FER: variants seen among roughly 807,000 people sequenced by gnomAD.
FER encodes the protein tyrosine-protein kinase Fer.
A neutral mutation model predicts 111.0 loss-of-function variants in FER; 63 were observed. The ratio of observed to expected loss-of-function variants is 0.57; its 90% CI spans 0.46 to 0.70. The LOEUF (loss-of-function observed/expected upper bound fraction) is 0.70. Among genes scored for constraint, FER ranks in the 30% least tolerant of loss-of-function variants. The probability of loss-of-function intolerance (pLI) is 0.00; values close to 1 mark genes in which losing one functional copy is unlikely to be tolerated. For missense variants in FER, 914 were observed against 954.0 expected, an observed-to-expected ratio of 0.96 and a Z score of 0.55; for synonymous variants, 327 against 313.9, an observed-to-expected ratio of 1.04 and a Z score of -0.44.
chr5:108,868,842 G>T (rs1312100899), intron 6 of FER, among the ~76,000 whole-genome samples: 1 of 152,050 alleles, frequency 6.6e-6, no homozygotes, highest in Non-Finnish European at 1.5e-5. Flanking sequence ...TAGCACATAA[G>T]CTCTTAGGTT....
At chr5:109,021,021 C>T (rs544172400) in intron 13 of FER, among the ~76,000 whole-genome samples, 3 of 151,888 alleles carry the variant, frequency 2.0e-5, no homozygotes, top group Non-Finnish European at 2.9e-5. Context: ...CCTTTAAATT[C>T]AAGTTATTTT....
At chr5:108,934,811 T>A (rs1755225950) in intron 10 of FER, among the ~76,000 whole-genome samples, 1 of 152,158 alleles carries the variant, frequency 6.6e-6, no homozygotes, top group East Asian at 1.9e-4. Context: ...TCTTTGGGAC[T>A]ACAGCTATAT....
At position 109,196,789 on chromosome 5, in the gene FER, TG is replaced by T. The variant is rs932284480; in HGVS notation, c.*9215del. Reference sequence around the variant, plus strand: ...ATAGACCAGTTACCACTCATGTGTCTGCAGAACCTCTTTATTGTATTCCTAT... The same window carrying T: ...ATAGACCAGTTACCACTCATGTGTCTCAGAACCTCTTTATTGTATTCCTAT... On this transcript the variant is annotated 3_prime_UTR_variant, in exon 20 of 20. Coordinates refer to ENST00000281092, the MANE Select transcript of FER (RefSeq NM_005246.4). 1 of 152,202 alleles carries T rather than the reference TG, an allele frequency of 6.6e-6. No individual in the cohort carries two copies. Among genetic ancestry groups the T allele is most frequent in the Non-Finnish European group, 1.5e-5 (1 of 68,030 alleles). 9.4% of individuals were successfully genotyped at this position (152,202 alleles called of 1,614,324 possible).
At chr5:109,187,403 A>T (rs1446203556) in intron 19 of FER, 30 bp from the exon 20 acceptor site, 1 of 1,605,402 alleles carries the variant, frequency 6.2e-7, no homozygotes, top group South Asian at 1.1e-5. Flanking sequence ...CTCCATTCTA[A>T]ATTCTGTTCT....
rs192236575 is a variant in FER at position 108,766,259 on chromosome 5, A to G, written c.-205-1834A>G. 9.3e-4 allele frequency among the ~76,000 whole-genome samples: 142 copies of G among 152,320 alleles called. 1 individual carries two copies. The highest frequency in any genetic ancestry group is 2.9e-3 in the African/African-American group (121 of 41,578). On this transcript the variant is annotated intron_variant, in intron 1 of 19. Coordinates refer to ENST00000281092, the MANE Select transcript of FER (RefSeq NM_005246.4). ...CATTAAAATTTTATATTTAAAAATA[A>G]TTTTGTCATGAATTTTATCGTTTTA...
chr5:108,748,688 C>A, intron 1 of FER: 1 of 152,322 alleles, frequency 6.6e-6, no homozygotes, highest in East Asian at 1.9e-4. Context: ...TCCCAGGGCC[C>A]GCAGCTTGGG....
chr5:108,959,459 A>AGAAG, intron 13 of FER, 112 bp downstream of exon 13: 1 of 1,105,954 alleles, frequency 9.0e-7, no homozygotes, highest in Non-Finnish European at 1.2e-6. Context: ...TCAGAAAAAA[A>AGAAG]GTTTTGTTTT....
At chr5:108,770,566 G>T (rs948726289) in intron 2 of FER, among the ~76,000 whole-genome samples, 1 of 151,806 alleles carries the variant, frequency 6.6e-6, no homozygotes, top group African/African-American at 2.4e-5. Context: ...CCTGGAGACG[G>T]AGACAGAGTT....
At chr5:109,005,583 A>C (rs1765393263) in intron 13 of FER, among the ~76,000 whole-genome samples, 1 of 152,238 alleles carries the variant, frequency 6.6e-6, no homozygotes, top group Non-Finnish European at 1.5e-5. Flanking sequence ...TTTAAATTCT[A>C]GTAAATATAG....
intron 10 of FER, among the ~76,000 whole-genome samples, chr5:108,902,190 C>T (rs1210406135): frequency 1.3e-5 from 2 of 152,012 alleles, no homozygotes; most frequent in Admixed American, 1.3e-4. Flanking sequence ...AGGAAAAAAA[C>T]GGGCTATAAG....
chr5:109,025,492 G>T (rs1484689070), intron 13 of FER, among the ~76,000 whole-genome samples: 2 of 152,088 alleles, frequency 1.3e-5, no homozygotes, highest in Non-Finnish European at 2.9e-5. Flanking sequence ...CTTTGCTGAA[G>T]TTGCCTATCA....
At chr5:108,783,839 C>A (rs1422131134) in intron 2 of FER, among the ~76,000 whole-genome samples, 1 of 152,078 alleles carries the variant, frequency 6.6e-6, no homozygotes, top group Non-Finnish European at 1.5e-5. Context: ...ACCATGCTCC[C>A]TGCTACCCTG....
chr5:108,796,729 G>A (rs1463420588), intron 2 of FER, among the ~76,000 whole-genome samples: 1 of 152,008 alleles, frequency 6.6e-6, no homozygotes, highest in Non-Finnish European at 1.5e-5. Context: ...CAGTCAGATT[G>A]TGGTGAATGC....
chr5:108,897,940 TTG>T, intron 10 of FER, 92 bp downstream of exon 10: 3 of 1,132,378 alleles, frequency 2.6e-6, no homozygotes, highest in Non-Finnish European at 3.7e-6. Flanking sequence ...CTATAACAAA[TTG>T]TTACTCTTGT....
intron 16 of FER, among the ~76,000 whole-genome samples, chr5:109,082,449 G>A (rs927794329): frequency 4.6e-5 from 7 of 151,996 alleles, no homozygotes; most frequent in African/African-American, 1.7e-4. Flanking sequence ...AAAATACATG[G>A]ATTTGAGACC....
At chr5:109,170,211 GA>G (rs939642846) in intron 17 of FER, among the ~76,000 whole-genome samples, 2 of 151,932 alleles carry the variant, frequency 1.3e-5, no homozygotes, top group Non-Finnish European at 2.9e-5. Flanking sequence ...AAATAGAATA[GA>G]AAAAAATGCA....
intron 3 of FER, among the ~76,000 whole-genome samples, chr5:108,826,369 G>C (rs942010025): frequency 6.6e-6 from 1 of 152,086 alleles, no homozygotes; most frequent in African/African-American, 2.4e-5. Context: ...TTTTACATCT[G>C]TGTTCATTAG....
At chr5:109,032,453 T>A (rs539171825) in intron 13 of FER, among the ~76,000 whole-genome samples, 1 of 152,282 alleles carries the variant, frequency 6.6e-6, no homozygotes, top group East Asian at 1.9e-4. Flanking sequence ...TTCCTTCTGT[T>A]CCTTGTGCTT....
At chr5:109,133,958 T>C (rs1752629136) in intron 17 of FER, among the ~76,000 whole-genome samples, 1 of 152,010 alleles carries the variant, frequency 6.6e-6, no homozygotes, top group Non-Finnish European at 1.5e-5. Flanking sequence ...TCCTTAATTA[T>C]TGACGATAGC....
Sources: gnomAD v4.1 joint callset for allele counts (sites outside exome capture counted in the v4.1 genomes callset) on GRCh38, gnomAD v4.1.1 for gene constraint, MANE v1.5 for transcripts, NCBI Gene and HGNC (gene_info 2026-07-23, HGNC 2026-07-21) for gene names.